The following TSHZ3 variants were observed in gnomAD, a reference collection of about 807,000 sequenced individuals.
TSHZ3 encodes teashirt homolog 3.
Under a neutral mutation model 64.5 loss-of-function variants are expected in TSHZ3, and 10 were observed. The observed-to-expected ratio is 0.16, with a 90% CI of 0.10 to 0.26. TSHZ3 has a LOEUF of 0.26. Ranked by LOEUF, TSHZ3 falls within the 10% of genes least tolerant of loss-of-function variation. The pLI is 1.00. For synonymous variants in TSHZ3, 608 were observed against 593.1 expected (o/e 1.03, Z -0.36); for missense variants, 1,242 against 1,421.7 (o/e 0.87, Z 2.03).
intron 5 of TSHZ3, among the ~76,000 whole-genome samples, chr19:31,171,715 C>T (rs1173425862): frequency 2.6e-5 from 4 of 152,046 alleles, no homozygotes; most frequent in Admixed American, 2.0e-4. Context: ...ATAACTAAGG[C>T]CTCATACTCC....
At chr19:31,260,250 C>T (rs536883754) in intron 1 of TSHZ3, among the ~76,000 whole-genome samples, 1 of 152,276 alleles carries the variant, frequency 6.6e-6, no homozygotes, top group Admixed American at 6.5e-5. Flanking sequence ...CTCTGTCCTG[C>T]CCAGTCCCCC....
intron 1 of TSHZ3, among the ~76,000 whole-genome samples, chr19:31,326,324 C>T (rs1168587018): frequency 6.6e-6 from 1 of 152,212 alleles, no homozygotes; most frequent in Non-Finnish European, 1.5e-5. Context: ...CTTTTAACTG[C>T]ATACCCTTTG....
intron 3 of TSHZ3, among the ~76,000 whole-genome samples, chr19:31,234,411 A>G (rs55648526): frequency 0.017 from 2,607 of 152,238 alleles, 75 homozygotes; most frequent in African/African-American, 0.058. Flanking sequence ...CATCCAGTAC[A>G]GTATTTATGG....
chr19:31,307,944 C>T (rs1245934936), intron 1 of TSHZ3, among the ~76,000 whole-genome samples: 1 of 152,192 alleles, frequency 6.6e-6, no homozygotes, highest in Non-Finnish European at 1.5e-5. Flanking sequence ...GGGGCCACCC[C>T]AGCTATAAAT....
rs191238664 is a variant in TSHZ3 at position 31,295,790 on chromosome 19, C to T, written c.41-16038G>A. ...AAAGGTTCTTTAATAATAATTTCAA[C>T]TTTGGGGTTCAGGGGGTACAGGTAC... On this transcript the variant is annotated intron_variant, in intron 1 of 1. Transcript: ENST00000240587. Among the ~76,000 whole-genome samples the T allele has an allele frequency of 4.9e-4, 74 of 151,626 alleles. 2 individuals are homozygous for T. The highest frequency in any genetic ancestry group is 1.7e-3 in the African/African-American group (71 of 41,236).
chr19:31,320,024 A>G (rs932216890), intron 1 of TSHZ3, among the ~76,000 whole-genome samples: 1 of 152,190 alleles, frequency 6.6e-6, no homozygotes, highest in East Asian at 1.9e-4. Flanking sequence ...ACCAGAGCTT[A>G]GAGCTGCAGA....
chr19:31,255,181 A>G (rs1256092733), intron 1 of TSHZ3, among the ~76,000 whole-genome samples: 1 of 152,094 alleles, frequency 6.6e-6, no homozygotes, highest in Non-Finnish European at 1.5e-5. Flanking sequence ...TGCCAACCAA[A>G]TTTTGCAGAG....
intron 4 of TSHZ3, among the ~76,000 whole-genome samples, chr19:31,214,947 A>C (rs554605827): frequency 2.0e-5 from 3 of 151,414 alleles, no homozygotes; most frequent in African/African-American, 7.3e-5. Flanking sequence ...CGAGCATTCA[A>C]CCCTCATCCA....
At chr19:31,339,983 G>A (rs1917383517) in intron 1 of TSHZ3, among the ~76,000 whole-genome samples, 1 of 151,712 alleles carries the variant, frequency 6.6e-6, no homozygotes, top group South Asian at 2.1e-4. Context: ...ATGGCAAAGG[G>A]CTGACACAAA....
chr19:31,325,458 T>C (rs1916905793), intron 1 of TSHZ3, among the ~76,000 whole-genome samples: 1 of 152,214 alleles, frequency 6.6e-6, no homozygotes, highest in Non-Finnish European at 1.5e-5. Context: ...TCCATTTTTG[T>C]TGATGCATGG....
At chr19:31,248,795 A>C (rs1975793737) in intron 1 of TSHZ3, among the ~76,000 whole-genome samples, 1 of 151,826 alleles carries the variant, frequency 6.6e-6, no homozygotes, top group African/African-American at 2.4e-5. Context: ...TTTGAAAAAA[A>C]AAAAAAAAGA....
intron 5 of TSHZ3, among the ~76,000 whole-genome samples, chr19:31,166,711 C>T (rs1315135023): frequency 2.0e-5 from 3 of 152,178 alleles, no homozygotes; most frequent in East Asian, 1.9e-4. Context: ...CATCTTCTAT[C>T]ACTCCTTTTC....
intron 4 of TSHZ3, among the ~76,000 whole-genome samples, chr19:31,222,550 C>A (rs1975405511): frequency 6.6e-6 from 1 of 152,210 alleles, no homozygotes; most frequent in Non-Finnish European, 1.5e-5. Context: ...TCCTTCAGGA[C>A]CTCCTGTCCC....
In TSHZ3 at chr19:31,260,317, G is replaced by A. The variant is rs530990743; in HGVS notation, n.64-17442C>T. On this transcript the variant is annotated intron_variant and non_coding_transcript_variant, in intron 1 of 6. Coordinates refer to the TSHZ3 transcript ENST00000651361. ...GTCTATGTCTGGTCATCTCTTGTCC[G>A]TGGTGCCCTGCCTAACTAAGTACAG... 4.6e-5 allele frequency among the ~76,000 whole-genome samples: 7 copies of A among 152,254 alleles called. No individual in the cohort carries two copies. The South Asian group carries it at 6.2e-4, about 14-fold the overall frequency.
chr19:31,293,355 G>A (rs17581526), intron 1 of TSHZ3, among the ~76,000 whole-genome samples: 9,918 of 152,234 alleles, frequency 0.065, 420 homozygotes, highest in Non-Finnish European at 0.1. Context: ...GTCTTAGCTC[G>A]ATATTCAAAG....
At chr19:31,331,819 C>T (rs1917104487) in intron 1 of TSHZ3, among the ~76,000 whole-genome samples, 1 of 152,170 alleles carries the variant, frequency 6.6e-6, no homozygotes, top group South Asian at 2.1e-4. Context: ...GCACGCTGCA[C>T]CTTCGTAAGG....
chr19:31,278,175 C>T lies in TSHZ3; in HGVS notation c.1618G>A (p.Gly540Ser), dbSNP rs1356367288. 15 of 1,614,056 alleles carry T rather than the reference C, an allele frequency of 9.3e-6. No homozygotes were observed. Among genetic ancestry groups the T allele is most frequent in the African/African-American group, 1.3e-5 (1 of 74,994 alleles). Reference sequence around the variant, plus strand: ...GGATAGCCCCCCCAGCTAGGAGTGCCGTTCTGGGCCTTGTTGATTGCGGAT... The same window carrying T: ...GGATAGCCCCCCCAGCTAGGAGTGCTGTTCTGGGCCTTGTTGATTGCGGAT... ...VTSAINKAQN[G>S]TPSWGGYPSI... Residue 540 changes from glycine (G) to serine (S), a missense_variant, in exon 2 of 2, where the codon GGC becomes AGC. Gly to Ser is a moderately conservative substitution (Grantham distance 56). This residue lies in a region of TSHZ3 where 550 missense variants were observed against 545.1 expected (regional missense o/e 1.01). Transcript: ENST00000240587. The surrounding 1 kb of genome is among the most constrained non-coding windows in gnomAD (Gnocchi z 4.7).
At chr19:31,334,670 C>T (rs1917190935) in intron 1 of TSHZ3, among the ~76,000 whole-genome samples, 1 of 152,180 alleles carries the variant, frequency 6.6e-6, no homozygotes, top group Non-Finnish European at 1.5e-5. Flanking sequence ...GGCAAATACA[C>T]ATCACTTAGA....
chr19:31,235,646 C>T (rs1975602097), intron 3 of TSHZ3, among the ~76,000 whole-genome samples: 6 of 106,044 alleles, frequency 5.7e-5, no homozygotes, highest in Non-Finnish European at 7.9e-5. Flanking sequence ...TTCTTTCTTT[C>T]TTTCTATTTC....
Sources: allele counts gnomAD v4.1 joint callset (sites outside exome capture counted in the v4.1 genomes callset), GRCh38; gene constraint gnomAD v4.1.1; regional missense constraint gnomAD v4.1.1; non-coding constraint Gnocchi (gnomAD v3.1); transcripts MANE v1.5; gene names NCBI Gene and HGNC (gene_info 2026-07-23, HGNC 2026-07-21).